The following ANKRD30B variants were observed in gnomAD, a reference collection of about 807,000 sequenced individuals.
The protein encoded by ANKRD30B is ankyrin repeat domain 30B.
Under a neutral mutation model 202.2 loss-of-function variants are expected in ANKRD30B, and 144 were observed. That is an observed-to-expected ratio of 0.71 (90% CI 0.62 to 0.82). ANKRD30B has a LOEUF of 0.82. Ranked by LOEUF, ANKRD30B falls within the 40% of genes least tolerant of loss-of-function variation. The pLI, the probability that ANKRD30B is intolerant of heterozygous loss-of-function variation, is 0.00. For missense variants in ANKRD30B, 1,487 were observed against 1,669.1 expected (o/e 0.89, Z 1.90); for synonymous variants, 508 against 561.3 (o/e 0.91, Z 1.34).
chr18:14,901,986 A>T, the ANKRD30B span, among the ~76,000 whole-genome samples: 1 of 152,202 alleles, frequency 6.6e-6, no homozygotes, highest in African/African-American at 2.4e-5. Context: ...ACAGTTCCAC[A>T]TGGCTGGAGA....
rs575138623 is a variant in ANKRD30B, at chr18:14,822,576, G to T, written c.2671-29G>T. ...TATTTTATGAAGTATACATTATATA[G>T]TAATTATTGTGTTTCCAAACCCATT... On this transcript the variant is annotated intron_variant, in intron 31 of 43. Transcript: ENST00000690538. 2,308 of 1,103,518 alleles carry T rather than the reference G, an allele frequency of 2.1e-3. 5 individuals are homozygous for T. The highest frequency in any genetic ancestry group is 2.3e-3 in the Non-Finnish European group (1,691 of 748,152). The allele number at this position is 1,103,518 out of a possible 1,614,324, so 68.4% of individuals were successfully genotyped here. A position where few individuals can be genotyped will look rare whatever the true frequency, so the allele number is the denominator to read the frequency against.
chr18:14,752,925 G>A lies in ANKRD30B; in HGVS notation c.423G>A (p.Thr141=), dbSNP rs1200355325. The part of the protein sequence containing the change: ...DLNYVDVYGN[T]ALHYAVYSEN... ...ATTATGTAGATGTGTATGGCAACAC[G>A]GCTCTCCATTATGCCGTTTATAGTG... Residue 141 remains threonine, a synonymous_variant, in exon 3 of 44, where the codon ACG becomes ACA. Coordinates refer to ENST00000690538, the MANE Select transcript of ANKRD30B (RefSeq NM_001367607.2). 5 of 1,604,468 alleles carry A rather than the reference G, an allele frequency of 3.1e-6. No homozygotes were observed. Among genetic ancestry groups the A allele is most frequent in the African/African-American group, 1.3e-5 (1 of 74,300 alleles).
chr18:14,844,381 T>A (rs971746550), intron 39 of ANKRD30B, among the ~76,000 whole-genome samples: 1 of 152,326 alleles, frequency 6.6e-6, no homozygotes, highest in Non-Finnish European at 1.5e-5. Context: ...AAAGCTATGC[T>A]GTTGTAACAC....
chr18:14,863,610 G>T, the ANKRD30B span, among the ~76,000 whole-genome samples: 1 of 152,098 alleles, frequency 6.6e-6, no homozygotes, highest in Non-Finnish European at 1.5e-5. Context: ...AATTGAATTT[G>T]TAATAAAAAT....
At chr18:14,769,220 C>A in intron 7 of ANKRD30B, 123 bp from the exon 8 acceptor site, 2 of 689,828 alleles carry the variant, frequency 2.9e-6, no homozygotes, top group Non-Finnish European at 4.7e-6. Flanking sequence ...GATCCTCCTG[C>A]CTCACCTTCC....
the ANKRD30B span, among the ~76,000 whole-genome samples, chr18:14,895,608 AC>A: frequency 6.6e-6 from 1 of 152,208 alleles, no homozygotes; most frequent in Non-Finnish European, 1.5e-5. Flanking sequence ...ATCATCAAAA[AC>A]CAGATGCAAC....
chr18:14,799,110 A>G lies in ANKRD30B; in HGVS notation c.2039A>G (p.Asp680Gly). Residue 680 changes from aspartate to glycine, a missense_variant, in exon 21 of 44, where the codon GAT becomes GGT. Asp to Gly is a moderately conservative substitution (Grantham distance 94). Around this residue, in one of 6 missense-constraint regions of ANKRD30B, gnomAD observed 889 missense variants for 841.4 expected, o/e 1.06. Transcript: ENST00000690538. ...GTCCCTTTTCTTTTAGAGTCTCCTG[A>G]TAATGATGGTCTTCTGAAGGTAATA... The part of the protein sequence containing the change: ...DRETLKAESP[D>G]NDGLLKPTCG... The G allele has an allele frequency of 6.3e-7, 1 of 1,577,644 alleles. No homozygotes were observed. The highest frequency in any genetic ancestry group is 8.7e-7 in the Non-Finnish European group (1 of 1,148,968).
the ANKRD30B span, among the ~76,000 whole-genome samples, chr18:14,880,931 A>G: frequency 6.6e-6 from 1 of 152,098 alleles, no homozygotes; most frequent in Non-Finnish European, 1.5e-5. Flanking sequence ...GTGTCCATTA[A>G]TCTTGTATCT....
At chr18:14,792,232 C>G (rs1968563530) in intron 16 of ANKRD30B, among the ~76,000 whole-genome samples, 1 of 152,098 alleles carries the variant, frequency 6.6e-6, no homozygotes. Flanking sequence ...GGTCCTAGGA[C>G]CTTGCTCTGA....
the ANKRD30B span, among the ~76,000 whole-genome samples, chr18:14,885,839 CT>C: frequency 1.3e-5 from 2 of 151,902 alleles, no homozygotes; most frequent in South Asian, 2.1e-4. Flanking sequence ...TTGTTCACTG[CT>C]TTGAAAGTAT....
intron 13 of ANKRD30B, 46 bp downstream of exon 13, chr18:14,784,410 A>G (rs1475115333): frequency 1.2e-6 from 2 of 1,612,254 alleles, no homozygotes; most frequent in Admixed American, 3.3e-5. Context: ...TTAACTATGT[A>G]CTTTGTGAAG....
chr18:14,778,734 T>C (rs1393858770), intron 10 of ANKRD30B, among the ~76,000 whole-genome samples: 1 of 152,182 alleles, frequency 6.6e-6, no homozygotes, highest in Non-Finnish European at 1.5e-5. Context: ...CTTGGGATTC[T>C]GGAATTTTTA....
rs1239507881 is a variant in ANKRD30B at position 14,791,579 on chromosome 18, A to T, written c.1825+88A>T. 3.7e-5 allele frequency: 38 copies of T among 1,023,496 alleles called. 1 individual carries two copies. In the East Asian group the frequency reaches 8.4e-4, roughly 23 times the overall value. The allele number at this position is 1,023,496 out of a possible 1,614,324, so 63.4% of individuals were successfully genotyped here. On this transcript the variant is annotated intron_variant, in intron 16 of 43. Coordinates refer to ENST00000690538, the MANE Select transcript of ANKRD30B (RefSeq NM_001367607.2). ...GGATATCCTCTAATAGATGAAGAAA[A>T]TTACCTCCTTAATGCAAAGCACAGA... is the stretch of plus-strand genomic sequence containing the variant.
At chr18:14,842,288 A>G (rs1470772829) in intron 37 of ANKRD30B, among the ~76,000 whole-genome samples, 3 of 152,272 alleles carry the variant, frequency 2.0e-5, no homozygotes, top group African/African-American at 7.2e-5. Flanking sequence ...TAGAGGATAC[A>G]GCAATGTAGG....
chr18:14,839,283 G>A (rs71350538), intron 36 of ANKRD30B, among the ~76,000 whole-genome samples: 5 of 152,136 alleles, frequency 3.3e-5, no homozygotes, highest in African/African-American at 4.8e-5. Context: ...ATTAGCACGC[G>A]TATGGGAGTG....
At chr18:14,938,794 C>G in the ANKRD30B span, among the ~76,000 whole-genome samples, 2 of 152,130 alleles carry the variant, frequency 1.3e-5, no homozygotes, top group African/African-American at 4.8e-5. Context: ...AGTCTTGATG[C>G]GTGTGGGACT....
the ANKRD30B span, among the ~76,000 whole-genome samples, chr18:14,862,901 A>G: frequency 2.0e-5 from 3 of 152,374 alleles, no homozygotes; most frequent in African/African-American, 4.8e-5. Context: ...TGTTTGCCCT[A>G]CTGGGTTTCA....
the ANKRD30B span, among the ~76,000 whole-genome samples, chr18:14,882,984 T>G: frequency 1.3e-5 from 2 of 152,182 alleles, no homozygotes; most frequent in African/African-American, 4.8e-5. Context: ...ATAATCATTC[T>G]GATGCAAAAA....
the ANKRD30B span, among the ~76,000 whole-genome samples, chr18:14,889,186 C>T: frequency 6.6e-6 from 1 of 151,670 alleles, no homozygotes; most frequent in South Asian, 2.1e-4. Flanking sequence ...AAATTAGGAC[C>T]TATTTCCCCC....
Sources: gnomAD v4.1 joint callset for allele counts (sites outside exome capture counted in the v4.1 genomes callset) on GRCh38, gnomAD v4.1.1 for gene constraint, gnomAD v4.1.1 regional missense constraint, MANE v1.5 for transcripts, NCBI Gene and HGNC (gene_info 2026-07-23, HGNC 2026-07-21) for gene names.